The following SSBP2 variants were observed in gnomAD, a reference collection of about 807,000 sequenced individuals.
SSBP2 encodes single stranded DNA binding protein 2, also known as single-stranded DNA-binding protein 2.
Under a neutral mutation model 61.8 loss-of-function variants are expected in SSBP2, and 17 were observed. The observed-to-expected ratio is 0.28, with a 90% CI of 0.19 to 0.41. The LOEUF (loss-of-function observed/expected upper bound fraction) is 0.41. SSBP2 is among the 10% of genes least tolerant of loss of function. The pLI is 1.00. For missense variants in SSBP2, 310 were observed against 458.7 expected (o/e 0.68, Z 2.96); for synonymous variants, 139 against 141.3 (o/e 0.98, Z 0.12).
intron 15 of SSBP2, 45 bp from the exon 16 acceptor site, chr5:81,428,728 T>G (rs372569515): frequency 7.0e-7 from 1 of 1,424,848 alleles, no homozygotes; most frequent in Admixed American, 1.7e-5. Flanking sequence ...AAAATTTTAA[T>G]TTCCCTCTTG....
chr5:81,593,081 TA>T (rs1382939500), intron 4 of SSBP2, among the ~76,000 whole-genome samples: 1 of 151,942 alleles, frequency 6.6e-6, no homozygotes, highest in Admixed American at 6.5e-5. Flanking sequence ...GCAAAGAAGT[TA>T]AAAGCTTTGA....
At chr5:81,643,563 A>G (rs1748982459) in intron 2 of SSBP2, among the ~76,000 whole-genome samples, 1 of 151,758 alleles carries the variant, frequency 6.6e-6, no homozygotes, top group Non-Finnish European at 1.5e-5. Context: ...AAATGTAAAA[A>G]AAGTTGAAAT....
At chr5:81,422,200 A>G (rs1761656853) in intron 16 of SSBP2, among the ~76,000 whole-genome samples, 1 of 152,168 alleles carries the variant, frequency 6.6e-6, no homozygotes. Flanking sequence ...TGGGTAGGCG[A>G]GCACGAACTT....
chr5:81,414,278 TTTAA>T lies in SSBP2; in HGVS notation c.*6222_*6225del, dbSNP rs1761229750. 6.6e-6 allele frequency: 1 copy of T among 151,984 alleles called. No homozygotes were observed. The highest frequency in any genetic ancestry group is 6.6e-5 in the Admixed American group (1 of 15,252). The allele number at this position is 151,984 out of a possible 1,614,324, so 9.4% of individuals were successfully genotyped here. On this transcript the variant is annotated 3_prime_UTR_variant, in exon 17 of 17. Transcript: ENST00000320672. ...TTTAATATCTATATATAGTACTGTA[TTTAA>T]TTTTTAAAGATGAAGACAGCAAAAA...
intron 5 of SSBP2, among the ~76,000 whole-genome samples, chr5:81,491,203 T>C (rs1171796743): frequency 2.0e-5 from 3 of 152,220 alleles, no homozygotes. Flanking sequence ...TTTTATGACA[T>C]AGTCATTAAT....
intron 4 of SSBP2, among the ~76,000 whole-genome samples, chr5:81,551,291 G>T (rs1372935881): frequency 6.6e-6 from 1 of 151,900 alleles, no homozygotes; most frequent in Non-Finnish European, 1.5e-5. Flanking sequence ...TTTTTCTTAA[G>T]TATATGTATC....
intron 6 of SSBP2, among the ~76,000 whole-genome samples, chr5:81,481,908 G>A (rs772126372): frequency 6.6e-6 from 1 of 151,946 alleles, no homozygotes; most frequent in Non-Finnish European, 1.5e-5. Flanking sequence ...AGGCTTTGTT[G>A]TTCCATTTAT....
chr5:81,566,536 A>C (rs1179989436), intron 4 of SSBP2, among the ~76,000 whole-genome samples: 2 of 152,052 alleles, frequency 1.3e-5, no homozygotes, highest in East Asian at 3.9e-4. Flanking sequence ...AGTCCAATTA[A>C]CCCTCTTTCT....
intron 15 of SSBP2, among the ~76,000 whole-genome samples, chr5:81,430,437 TGG>T (rs1440684908): frequency 1.3e-5 from 2 of 152,184 alleles, no homozygotes; most frequent in Non-Finnish European, 2.9e-5. Context: ...ATACCCCCTG[TGG>T]TATATAAGGT....
At chr5:81,739,288 A>G (rs1176912639) in intron 1 of SSBP2, among the ~76,000 whole-genome samples, 1 of 151,738 alleles carries the variant, frequency 6.6e-6, no homozygotes, top group South Asian at 2.1e-4. Context: ...ACTTTACTGC[A>G]GTTCACCAAC....
chr5:81,449,732 G>GT (rs1261314622), intron 10 of SSBP2, among the ~76,000 whole-genome samples: 1 of 151,992 alleles, frequency 6.6e-6, no homozygotes, highest in Admixed American at 6.6e-5. Context: ...ATAAATATTT[G>GT]TTTTTTTGGA....
chr5:81,692,216 T>A (rs374648431), intron 1 of SSBP2, among the ~76,000 whole-genome samples: 1 of 152,032 alleles, frequency 6.6e-6, no homozygotes, highest in East Asian at 1.9e-4. Flanking sequence ...ATGTCAACAA[T>A]GAACAATCTG....
rs1749619142 is a variant in SSBP2, at chr5:81,650,324, T to A, written c.78A>T (p.Val26=). The A allele has an allele frequency of 6.3e-7, 1 of 1,586,228 alleles. No homozygotes were observed. Residue 26 remains valine (V), a synonymous_variant, in exon 2 of 17, where the codon GTA becomes GTT. Transcript: ENST00000320672. Reference sequence around the variant, plus strand: ...CTCCTACATGGAGCAGATATTCATATACGTAGAGTGCTAACCTGGAAAACA... The same window carrying A: ...CTCCTACATGGAGCAGATATTCATAAACGTAGAGTGCTAACCTGGAAAACA...
At chr5:81,580,288 G>A (rs1403082734) in intron 4 of SSBP2, among the ~76,000 whole-genome samples, 1 of 151,856 alleles carries the variant, frequency 6.6e-6, no homozygotes, top group African/African-American at 2.4e-5. Context: ...GCAATTAGAT[G>A]GTATTGACCT....
chr5:81,442,006 T>C (rs1763070769), intron 13 of SSBP2, among the ~76,000 whole-genome samples: 1 of 152,148 alleles, frequency 6.6e-6, no homozygotes, highest in Non-Finnish European at 1.5e-5. Context: ...AACATATAAA[T>C]ATATATCTTC....
At chr5:81,444,707 T>C (rs1056197079) in intron 12 of SSBP2, among the ~76,000 whole-genome samples, 1 of 152,192 alleles carries the variant, frequency 6.6e-6, no homozygotes, top group Non-Finnish European at 1.5e-5. Flanking sequence ...TTGGCCTTAC[T>C]CTTGGTAAAA....
At chr5:81,451,401 CT>C (rs1214469001) in intron 10 of SSBP2, among the ~76,000 whole-genome samples, 2 of 151,482 alleles carry the variant, frequency 1.3e-5, no homozygotes, top group East Asian at 1.9e-4. Context: ...GTCCTTGCTC[CT>C]TTTATATTAT....
At chr5:81,534,839 G>T (rs899999460) in intron 4 of SSBP2, among the ~76,000 whole-genome samples, 9 of 152,094 alleles carry the variant, frequency 5.9e-5, no homozygotes, top group African/African-American at 2.2e-4. Flanking sequence ...TCCAGAACCA[G>T]GAAGCACAGA....
intron 4 of SSBP2, among the ~76,000 whole-genome samples, chr5:81,527,234 T>C (rs979283615): frequency 1.3e-5 from 2 of 152,046 alleles, no homozygotes; most frequent in South Asian, 4.1e-4. Flanking sequence ...ATAACTCTGG[T>C]AGCTCTTTGA....
Sources: gnomAD v4.1 joint callset for allele counts (sites outside exome capture counted in the v4.1 genomes callset) on GRCh38, gnomAD v4.1.1 for gene constraint, MANE v1.5 for transcripts, NCBI Gene and HGNC (gene_info 2026-07-23, HGNC 2026-07-21) for gene names.